Variants in CALCRL observed in about 807,000 individuals in gnomAD.
CALCRL encodes the protein calcitonin gene-related peptide type 1 receptor.
A neutral mutation model predicts 60.4 loss-of-function variants in CALCRL; 27 were observed. The ratio of observed to expected loss-of-function variants is 0.45; its 90% CI spans 0.33 to 0.62. The LOEUF (loss-of-function observed/expected upper bound fraction) is 0.62, where lower values mean the gene tolerates loss of function less well. Among genes scored for constraint, CALCRL ranks in the 20% least tolerant of loss-of-function variants. CALCRL has a pLI of 0.03. For missense variants in CALCRL, 424 were observed against 540.7 expected (o/e 0.78, Z 2.14); for synonymous variants, 190 against 182.6 (o/e 1.04, Z -0.33).
chr2:187,371,357 G>A (rs998039025), intron 8 of CALCRL, among the ~76,000 whole-genome samples: 6 of 151,940 alleles, frequency 3.9e-5, no homozygotes, highest in South Asian at 2.1e-4. Context: ...ATAAATGGAC[G>A]TACCGTGAGT....
At chr2:187,371,973 A>T (rs1687545772) in intron 8 of CALCRL, among the ~76,000 whole-genome samples, 1 of 152,096 alleles carries the variant, frequency 6.6e-6, no homozygotes, top group Non-Finnish European at 1.5e-5. Flanking sequence ...TTAAATTGAG[A>T]ATGCTTTGGT....
chr2:187,363,194 A>G (rs698582), intron 9 of CALCRL, among the ~76,000 whole-genome samples, 182 bp downstream of exon 9: 48,312 of 151,958 alleles, frequency 0.32, 7,876 homozygotes, highest in Middle Eastern at 0.42. Context: ...CTATATTCCA[A>G]TGTAGAAAGG....
chr2:187,383,533 A>T (rs948201273), intron 4 of CALCRL, among the ~76,000 whole-genome samples: 2 of 152,166 alleles, frequency 1.3e-5, no homozygotes, highest in African/African-American at 4.8e-5. Flanking sequence ...CCATTGGCAG[A>T]GTGGGAAACC....
In CALCRL at chr2:187,389,854, T is replaced by G. The variant is rs144313484; in HGVS notation, c.-292-2098A>C. Among the ~76,000 whole-genome samples the G allele has an allele frequency of 2.0e-4, 31 of 152,276 alleles. No individual in the cohort carries two copies. In the East Asian group the frequency reaches 5.6e-3, roughly 28 times the overall value. On this transcript the variant is annotated intron_variant, in intron 1 of 14. Transcript: ENST00000392370. ...AATTTATTGGAATGTATGATTATTA[T>G]TAGTAACGTATCTATTTCCCTTGCA...
intron 1 of CALCRL, among the ~76,000 whole-genome samples, chr2:187,444,292 G>T (rs1559082589): frequency 6.6e-6 from 1 of 151,532 alleles, no homozygotes; most frequent in East Asian, 1.9e-4. Context: ...TGAAAATTGG[G>T]CTCCATCCAG....
intron 1 of CALCRL, among the ~76,000 whole-genome samples, chr2:187,394,162 G>A (rs1688568675): frequency 6.6e-6 from 1 of 152,104 alleles, no homozygotes; most frequent in African/African-American, 2.4e-5. Flanking sequence ...CCTTGTTGCT[G>A]ACTCTGCTGT....
chr2:187,415,822 G>A, intron 1 of CALCRL: 1 of 394,458 alleles, frequency 2.5e-6, no homozygotes, highest in Non-Finnish European at 4.7e-6. Flanking sequence ...GGTGGATCAT[G>A]GTCCACATGG....
intron 1 of CALCRL, among the ~76,000 whole-genome samples, chr2:187,408,632 T>C (rs1689231754): frequency 6.6e-6 from 1 of 152,082 alleles, no homozygotes; most frequent in East Asian, 1.9e-4. Context: ...CCCCCTTCTA[T>C]GGCTGGTTTT....
At chr2:187,380,905 C>T (rs1687958958) in intron 5 of CALCRL, 118 bp from the exon 6 acceptor site, 2 of 565,936 alleles carry the variant, frequency 3.5e-6, no homozygotes, top group South Asian at 7.8e-5. Context: ...AAAATGCAGA[C>T]ATTATATGAA....
At chr2:187,399,937 T>C (rs1267066541) in intron 1 of CALCRL, among the ~76,000 whole-genome samples, 7 of 151,454 alleles carry the variant, frequency 4.6e-5, no homozygotes. Flanking sequence ...TACTGGAGTC[T>C]GGGGTGGGTA....
intron 1 of CALCRL, among the ~76,000 whole-genome samples, chr2:187,410,851 T>G (rs573632093): frequency 6.6e-6 from 1 of 152,026 alleles, no homozygotes; most frequent in South Asian, 2.1e-4. Context: ...TGAGGTAGTC[T>G]CAAGAGGCTC....
chr2:187,349,431 T>C (rs797009132), intron 14 of CALCRL, among the ~76,000 whole-genome samples: 9 of 151,844 alleles, frequency 5.9e-5, no homozygotes, highest in African/African-American at 2.2e-4. Context: ...GCAAATGATT[T>C]TAAGAAGTAC....
chr2:187,437,399 G>A (rs150954717), intron 1 of CALCRL, among the ~76,000 whole-genome samples: 5 of 152,120 alleles, frequency 3.3e-5, no homozygotes, highest in African/African-American at 1.2e-4. Flanking sequence ...AAAATTAGCC[G>A]GGCGTGATGG....
intron 1 of CALCRL, among the ~76,000 whole-genome samples, chr2:187,401,276 G>A (rs1210964323): frequency 6.6e-6 from 1 of 151,552 alleles, no homozygotes; most frequent in African/African-American, 2.4e-5. Context: ...GCCTTCTTTA[G>A]TTAAGAGACA....
intron 8 of CALCRL, among the ~76,000 whole-genome samples, chr2:187,365,543 T>C (rs1298067752): frequency 8.5e-5 from 13 of 152,212 alleles, no homozygotes; most frequent in Admixed American, 8.5e-4. Context: ...CACATATATC[T>C]AAGTCCATTG....
At chr2:187,372,854 A>G (rs1032313774) in intron 8 of CALCRL, among the ~76,000 whole-genome samples, 8 of 152,164 alleles carry the variant, frequency 5.3e-5, no homozygotes, top group East Asian at 1.9e-4. Context: ...AATAATTTCT[A>G]TTGCCCCTGA....
At chr2:187,436,526 CT>C (rs1690651911) in intron 1 of CALCRL, 2 of 152,168 alleles carry the variant, frequency 1.3e-5, no homozygotes, top group Admixed American at 1.3e-4. Context: ...GTGGTATTTA[CT>C]TTTCACAATT....
At position 187,418,941 on chromosome 2, in the gene CALCRL, C is replaced by T. The variant is rs181835275; in HGVS notation, c.-293+29098G>A. 7.6e-3 allele frequency among the ~76,000 whole-genome samples: 1,128 copies of T among 149,252 alleles called. 10 individuals carry two copies. The highest frequency in any genetic ancestry group is 9.6e-3 in the African/African-American group (388 of 40,522). Reference sequence around the variant, plus strand: ...CGTGATCTCGGCTCACTGCAACCTCCGCCTCCCAGGTTCGAGCTATTTCCC... The same window carrying T: ...CGTGATCTCGGCTCACTGCAACCTCTGCCTCCCAGGTTCGAGCTATTTCCC... On this transcript the variant is annotated intron_variant, in intron 1 of 14. Transcript: ENST00000392370.
intron 1 of CALCRL, among the ~76,000 whole-genome samples, chr2:187,420,831 T>C (rs978814531): frequency 6.6e-6 from 1 of 152,192 alleles, no homozygotes; most frequent in African/African-American, 2.4e-5. Context: ...TACTTTCAAA[T>C]AGATTTAACA....
Sources: allele counts gnomAD v4.1 joint callset (sites outside exome capture counted in the v4.1 genomes callset), GRCh38; gene constraint gnomAD v4.1.1; transcripts MANE v1.5; gene names NCBI Gene and HGNC (gene_info 2026-07-23, HGNC 2026-07-21).